The following LARP4B variants were observed in gnomAD, a reference collection of about 807,000 sequenced individuals.
LARP4B encodes la-related protein 4B.
Under a neutral mutation model 89.8 loss-of-function variants are expected in LARP4B, and 12 were observed. The observed-to-expected ratio is 0.13, with a 90% CI of 0.09 to 0.22. The LOEUF (loss-of-function observed/expected upper bound fraction) is 0.22, where lower values mean the gene tolerates loss of function less well. LARP4B is among the 10% of genes least tolerant of loss of function. The probability of loss-of-function intolerance (pLI) is 1.00; values close to 1 mark genes in which losing one functional copy is unlikely to be tolerated. For missense variants in LARP4B, 757 were observed against 947.7 expected (o/e 0.80, Z 2.64); for synonymous variants, 367 against 363.3 (o/e 1.01, Z -0.12).
At position 863,785 on chromosome 10, in the gene LARP4B, C is replaced by T; in HGVS notation, c.388G>A (p.Gly130Ser). 1.2e-6 allele frequency: 2 copies of T among 1,613,858 alleles called. No individual in the cohort carries two copies. The highest frequency in any genetic ancestry group is 1.7e-6 in the Non-Finnish European group (2 of 1,179,946). Residue 130 changes from glycine (G) to serine (S), a missense_variant, in exon 5 of 18, where the codon GGT becomes AGT. Gly to Ser is a moderately conservative substitution (Grantham distance 56, BLOSUM62 0). Coordinates refer to ENST00000316157, the MANE Select transcript of LARP4B (RefSeq NM_015155.3). ...GGCAGAGAGTCATATTCTGAGGGAC[C>T]CAGAGCGAGAGCGTTCATGTCTGCT... The part of the protein sequence containing the change: ...DPADMNALAL[G>S]PSEYDSLPEN...
chr10:946,068 A>G, the LARP4B span, among the ~76,000 whole-genome samples: 12 of 152,202 alleles, frequency 7.9e-5, no homozygotes, highest in Non-Finnish European at 1.6e-4. Flanking sequence ...CGGTGTGTCT[A>G]TGAGCCTTCT....
At chr10:919,372 G>C (rs1836917859) in intron 1 of LARP4B, among the ~76,000 whole-genome samples, 1 of 152,086 alleles carries the variant, frequency 6.6e-6, no homozygotes, top group African/African-American at 2.4e-5. Flanking sequence ...CACGCAAAAG[G>C]CTTATAAGCA....
chr10:873,102 T>G (rs1416603975), intron 3 of LARP4B: 1 of 985,244 alleles, frequency 1.0e-6, no homozygotes, highest in Admixed American at 6.1e-5. Flanking sequence ...GTTTTTTCAC[T>G]GTCATTGTCA....
At chr10:854,293 T>G (rs1834195430) in intron 5 of LARP4B, among the ~76,000 whole-genome samples, 1 of 152,240 alleles carries the variant, frequency 6.6e-6, no homozygotes, top group Non-Finnish European at 1.5e-5. Flanking sequence ...GTTGACATTT[T>G]GGCCTTCCCT....
Position 830,948 on chromosome 10 carries a change from A to C in LARP4B, c.780T>G (p.Asn260Lys). ...EEVEALFKGD[N>K]LPKFINCEFA... is the part of the protein sequence containing the mutation. Reference sequence around the variant, plus strand: ...ATTCACAGTTTATAAATTTTGGTAAATTATCTCCTTTAAATAGTGCTTCTA... The same window carrying C: ...ATTCACAGTTTATAAATTTTGGTAACTTATCTCCTTTAAATAGTGCTTCTA... Residue 260 changes from asparagine (N) to lysine (K), a missense_variant, in exon 9 of 18, where the codon AAT (asparagine) becomes AAG (lysine). By Grantham distance (94) the Asn-to-Lys change is moderately conservative. Coordinates refer to ENST00000316157, the MANE Select transcript of LARP4B (RefSeq NM_015155.3). The C allele has an allele frequency of 8.1e-7, 1 of 1,239,506 alleles. No homozygotes were observed. Among genetic ancestry groups the C allele is most frequent in the East Asian group, 2.3e-5 (1 of 42,858 alleles). The allele number at this position is 1,239,506 out of a possible 1,614,324, so 76.8% of individuals were successfully genotyped here. A position where few individuals can be genotyped will look rare whatever the true frequency, so the allele number is the denominator to read the frequency against.
chr10:907,085 C>T (rs1836513027), intron 1 of LARP4B, among the ~76,000 whole-genome samples: 1 of 152,212 alleles, frequency 6.6e-6, no homozygotes, highest in South Asian at 2.1e-4. Context: ...ATTCTATGTA[C>T]TCCTGCAAAC....
chr10:953,768 T>C, the LARP4B span, among the ~76,000 whole-genome samples: 44 of 152,338 alleles, frequency 2.9e-4, no homozygotes, highest in East Asian at 7.1e-3. Flanking sequence ...GCTAGAAGCA[T>C]GAAGAGACGC....
chr10:914,654 G>A (rs867731884), intron 1 of LARP4B, among the ~76,000 whole-genome samples: 2 of 151,790 alleles, frequency 1.3e-5, no homozygotes, highest in South Asian at 4.1e-4. Context: ...AATTAGCTGG[G>A]CATGGTGGCG....
intron 14 of LARP4B, chr10:819,272 C>T (rs1337456581): frequency 6.6e-6 from 1 of 152,166 alleles, no homozygotes; most frequent in Non-Finnish European, 1.5e-5. Flanking sequence ...TAAATCTCAA[C>T]TTGTAGAAGC....
At chr10:869,566 G>T (rs1185717606) in intron 3 of LARP4B, among the ~76,000 whole-genome samples, 1 of 152,120 alleles carries the variant, frequency 6.6e-6, no homozygotes, top group Non-Finnish European at 1.5e-5. Flanking sequence ...ACTGTTTAGA[G>T]TAAATCTTTA....
At chr10:948,838 C>A in the LARP4B span, among the ~76,000 whole-genome samples, 1 of 152,224 alleles carries the variant, frequency 6.6e-6, no homozygotes, top group Non-Finnish European at 1.5e-5. Context: ...ATAGCTCGTT[C>A]CTTTTCACTG....
chr10:956,382 G>C, the LARP4B span, among the ~76,000 whole-genome samples: 1 of 150,960 alleles, frequency 6.6e-6, no homozygotes, highest in African/African-American at 2.4e-5. This position sits in a 1 kb window ranked among gnomAD's most constrained non-coding sequence, Gnocchi z 4.3. Context: ...GTCTCACTGT[G>C]TCCCCCAGGC....
chr10:923,470 A>G (rs927713761), intron 1 of LARP4B, among the ~76,000 whole-genome samples: 3 of 151,488 alleles, frequency 2.0e-5, no homozygotes, highest in African/African-American at 7.3e-5. Flanking sequence ...CTGCTCCCCA[A>G]CCTGACCAAA....
chr10:975,670 T>C, the LARP4B span, among the ~76,000 whole-genome samples: 8 of 152,202 alleles, frequency 5.3e-5, no homozygotes, highest in Admixed American at 1.3e-4. Flanking sequence ...AAGGCAAGAA[T>C]TGTGGCCCGG....
At chr10:852,562 G>A (rs973306615) in intron 5 of LARP4B, among the ~76,000 whole-genome samples, 1 of 152,170 alleles carries the variant, frequency 6.6e-6, no homozygotes, top group Admixed American at 6.5e-5. Flanking sequence ...TGTAAGACCA[G>A]AGACAACCCA....
At position 814,830 on chromosome 10, in the gene LARP4B, T is replaced by C; in HGVS notation, c.1841A>G (p.Lys614Arg). The C allele has an allele frequency of 6.3e-7, 1 of 1,595,912 alleles. No individual in the cohort carries two copies. Among genetic ancestry groups the C allele is most frequent in the Non-Finnish European group, 8.6e-7 (1 of 1,165,976 alleles). ...GTCCACACTGTGGGTTTCCCTCTGT[T>C]TCTCCGCCACCTTGGGATCACTGTA... ...HLPDDPKVAE[K>R]QRETHSVDRL... The change falls in exon 17 of 18, where the codon AAA (lysine) becomes AGA (arginine). Residue 614 changes from lysine (K) to arginine (R), a missense_variant. Around this residue, in one of 5 missense-constraint regions of LARP4B, gnomAD observed 387 missense variants for 423.6 expected, o/e 0.91. Coordinates refer to ENST00000316157, the MANE Select transcript of LARP4B (RefSeq NM_015155.3). This position sits in a 1 kb window ranked among gnomAD's most constrained non-coding sequence, Gnocchi z 4.4.
intron 1 of LARP4B, among the ~76,000 whole-genome samples, chr10:912,002 G>T (rs2132023052): frequency 6.6e-6 from 1 of 152,304 alleles, no homozygotes; most frequent in East Asian, 1.9e-4. Context: ...CAAGTGATAA[G>T]ATTCCCATAT....
intron 15 of LARP4B, 58 bp from the exon 16 acceptor site, chr10:815,128 C>T: frequency 6.7e-7 from 1 of 1,501,396 alleles, no homozygotes; most frequent in African/African-American, 1.4e-5. Flanking sequence ...GGAGCTGGTA[C>T]CAGTGCCCGT....
chr10:896,640 T>C (rs1836197713), intron 1 of LARP4B, among the ~76,000 whole-genome samples: 1 of 152,230 alleles, frequency 6.6e-6, no homozygotes, highest in Non-Finnish European at 1.5e-5. Context: ...ATTTATAATA[T>C]TAATTGATTC....
Sources: allele counts gnomAD v4.1 joint callset (sites outside exome capture counted in the v4.1 genomes callset), GRCh38; gene constraint gnomAD v4.1.1; regional missense constraint gnomAD v4.1.1; non-coding constraint Gnocchi (gnomAD v3.1); transcripts MANE v1.5; gene names NCBI Gene and HGNC (gene_info 2026-07-23, HGNC 2026-07-21).